Variants in MACROD2 observed in about 807,000 individuals in gnomAD.
MACROD2 encodes mono-ADP ribosylhydrolase 2.
MACROD2 carries 36 observed loss-of-function variants against 70.4 expected under a neutral mutation model. The observed-to-expected ratio is 0.51, with a 90% CI of 0.39 to 0.68. The LOEUF is 0.68. Ranked by LOEUF, MACROD2 falls within the 30% of genes least tolerant of loss-of-function variation. The probability of loss-of-function intolerance (pLI) is 0.00; values close to 1 mark genes in which losing one functional copy is unlikely to be tolerated. For missense variants in MACROD2, 496 were observed against 538.4 expected (o/e 0.92, Z 0.78); for synonymous variants, 172 against 178.8 (o/e 0.96, Z 0.30).
intron 4 of MACROD2, among the ~76,000 whole-genome samples, chr20:14,574,476 T>C (rs1404937754): frequency 1.3e-5 from 2 of 152,160 alleles, no homozygotes; most frequent in Non-Finnish European, 2.9e-5. Flanking sequence ...TTGTCCTGGC[T>C]GCAGTGCCTC....
intron 4 of MACROD2, among the ~76,000 whole-genome samples, chr20:14,556,347 T>A (rs1979030378): frequency 6.6e-6 from 1 of 152,020 alleles, no homozygotes; most frequent in African/African-American, 2.4e-5. Context: ...CTGCTAGGAA[T>A]TTTTGGAACT....
At chr20:14,662,368 C>G (rs897337139) in intron 4 of MACROD2, among the ~76,000 whole-genome samples, 13 of 151,988 alleles carry the variant, frequency 8.6e-5, no homozygotes, top group Non-Finnish European at 1.6e-4. Context: ...AATGTAAAAC[C>G]CAAAACTGTA....
intron 5 of MACROD2, among the ~76,000 whole-genome samples, chr20:14,819,895 A>G (rs1192888458): frequency 3.9e-5 from 6 of 152,060 alleles, no homozygotes; most frequent in Non-Finnish European, 7.4e-5. Context: ...TGAAAGATGC[A>G]GCAGATATCA....
chr20:15,957,070 C>G (rs1261098300), intron 12 of MACROD2, among the ~76,000 whole-genome samples: 1 of 152,112 alleles, frequency 6.6e-6, no homozygotes, highest in East Asian at 1.9e-4. Flanking sequence ...CAATTTACGT[C>G]AAGTCCCCAA....
intron 8 of MACROD2, among the ~76,000 whole-genome samples, chr20:15,655,898 A>G (rs773746253): frequency 1.3e-5 from 2 of 152,196 alleles, no homozygotes; most frequent in South Asian, 4.1e-4. Context: ...TTGTTTTTCC[A>G]TCTTTGATTT....
At chr20:13,999,028 TA>T (rs1259230782) in intron 1 of MACROD2, among the ~76,000 whole-genome samples, 1 of 152,090 alleles carries the variant, frequency 6.6e-6, no homozygotes, top group African/African-American at 2.4e-5. Context: ...TCCTCTTGCA[TA>T]GTCTCATTGG....
intron 3 of MACROD2, among the ~76,000 whole-genome samples, chr20:14,301,948 C>A (rs141715072): frequency 6.6e-6 from 1 of 152,170 alleles, no homozygotes; most frequent in African/African-American, 2.4e-5. Flanking sequence ...TGGATTAAAT[C>A]TTTTTCTTAT....
chr20:14,923,404 A>G (rs559750913), intron 5 of MACROD2, among the ~76,000 whole-genome samples: 9 of 152,106 alleles, frequency 5.9e-5, no homozygotes, highest in African/African-American at 2.2e-4. Context: ...TCTAGTAAAC[A>G]TCTAAAATGT....
intron 17 of MACROD2, among the ~76,000 whole-genome samples, chr20:16,048,197 A>C (rs539159868): frequency 1.3e-5 from 2 of 152,344 alleles, no homozygotes; most frequent in South Asian, 4.1e-4. Context: ...TAAGACTTAC[A>C]GAACACACAA....
At chr20:15,845,142 C>T (rs1446777948) in intron 8 of MACROD2, among the ~76,000 whole-genome samples, 2 of 151,944 alleles carry the variant, frequency 1.3e-5, no homozygotes, top group Non-Finnish European at 2.9e-5. Context: ...GAATGTGACC[C>T]TGTTTGGAAT....
intron 9 of MACROD2, among the ~76,000 whole-genome samples, chr20:15,882,149 G>T (rs1215099097): frequency 6.6e-6 from 1 of 152,088 alleles, no homozygotes; most frequent in Non-Finnish European, 1.5e-5. Context: ...AAAGTAAGCT[G>T]ACAAAAGGCA....
intron 6 of MACROD2, among the ~76,000 whole-genome samples, chr20:15,420,964 T>C (rs1240021250): frequency 6.6e-6 from 1 of 152,128 alleles, no homozygotes; most frequent in East Asian, 1.9e-4. Context: ...GGTGCGTGCC[T>C]ATGGTCCCAG....
At chr20:15,200,870 C>G (rs564194087) in intron 5 of MACROD2, among the ~76,000 whole-genome samples, 1 of 152,252 alleles carries the variant, frequency 6.6e-6, no homozygotes, top group Admixed American at 6.5e-5. Flanking sequence ...AGGAGATGCC[C>G]CTGTTGCTAG....
chr20:15,735,338 A>G (rs142997289), intron 8 of MACROD2, among the ~76,000 whole-genome samples: 2 of 152,038 alleles, frequency 1.3e-5, no homozygotes, highest in Non-Finnish European at 2.9e-5. Context: ...TGTTTGTCTG[A>G]CTCATAATGA....
chr20:15,262,523 C>A (rs902756932), intron 6 of MACROD2, among the ~76,000 whole-genome samples: 8 of 152,024 alleles, frequency 5.3e-5, no homozygotes. Context: ...GTGCAGATAT[C>A]CTTTTGATAT....
intron 8 of MACROD2, among the ~76,000 whole-genome samples, chr20:15,711,278 GA>G (rs1656134018): frequency 6.6e-6 from 1 of 152,212 alleles, no homozygotes; most frequent in Non-Finnish European, 1.5e-5. Context: ...CAGTTACAGG[GA>G]GGGGAGGGAA....
intron 13 of MACROD2, among the ~76,000 whole-genome samples, chr20:15,972,472 A>C (rs2066245867): frequency 1.3e-5 from 2 of 152,146 alleles, no homozygotes; most frequent in Admixed American, 1.3e-4. Context: ...AAATCACAAA[A>C]ACAAGCAGAG....
At chr20:15,756,742 G>A (rs192853022) in intron 8 of MACROD2, among the ~76,000 whole-genome samples, 1 of 152,276 alleles carries the variant, frequency 6.6e-6, no homozygotes, top group East Asian at 1.9e-4. Context: ...ATGAATTCAA[G>A]GCTTAAAAAC....
intron 5 of MACROD2, among the ~76,000 whole-genome samples, chr20:14,821,582 T>C (rs6135270): frequency 2.0e-5 from 3 of 152,052 alleles, no homozygotes; most frequent in Non-Finnish European, 4.4e-5. Context: ...GACAATACTT[T>C]CGTAAGCAAA....
Sources: gnomAD v4.1 joint callset for allele counts (sites outside exome capture counted in the v4.1 genomes callset) on GRCh38, gnomAD v4.1.1 for gene constraint, MANE v1.5 for transcripts, NCBI Gene and HGNC (gene_info 2026-07-23, HGNC 2026-07-21) for gene names.